Variants in CIZ1 observed in about 807,000 individuals in gnomAD.
CIZ1 encodes cip1-interacting zinc finger protein.
CIZ1 carries 58 observed loss-of-function variants against 118.6 expected under a neutral mutation model. The ratio of observed to expected loss-of-function variants is 0.49; its 90% CI spans 0.40 to 0.61. The LOEUF (loss-of-function observed/expected upper bound fraction) is 0.61. CIZ1 is among the 20% of genes least tolerant of loss of function. The pLI is 0.00. For synonymous variants in CIZ1, 448 were observed against 443.4 expected, an observed-to-expected ratio of 1.01 and a Z score of -0.13; for missense variants, 921 against 1,115.9, an observed-to-expected ratio of 0.83 and a Z score of 2.49.
At chr9:128,189,352 T>A (rs1832843531) in intron 3 of CIZ1, among the ~76,000 whole-genome samples, 2 of 152,208 alleles carry the variant, frequency 1.3e-5, no homozygotes, top group Admixed American at 1.3e-4. Context: ...TTTAAGTCAG[T>A]TCCCAGGACC....
upstream of CIZ1, among the ~76,000 whole-genome samples, chr9:128,192,932 C>T (rs1227691808): frequency 3.3e-5 from 5 of 152,306 alleles, no homozygotes; most frequent in African/African-American, 1.2e-4. Context: ...TCCGCGCCGA[C>T]GTTGGGCGGG....
Position 128,166,885 on chromosome 9 carries a change from A to G in CIZ1, c.2366-5T>C, listed in dbSNP as rs1829495133. On this transcript the variant is annotated splice_polypyrimidine_tract_variant and splice_region_variant and intron_variant, in intron 15 of 16. Transcript: ENST00000372938. This position sits in a 1 kb window ranked among gnomAD's most constrained non-coding sequence, Gnocchi z 4.4. ...CGGGCACCAGGAAGTCCACACCTGT[A>G]GGATGGGATGGCAGGGTCTGCACTC... The G allele has an allele frequency of 1.2e-6, 2 of 1,614,206 alleles. No individual in the cohort carries two copies. Among genetic ancestry groups the G allele is most frequent in the Non-Finnish European group, 1.7e-6 (2 of 1,180,018 alleles).
chr9:128,192,578 T>G (rs1833239740), upstream of CIZ1, among the ~76,000 whole-genome samples: 1 of 152,192 alleles, frequency 6.6e-6, no homozygotes, highest in South Asian at 2.1e-4. Context: ...AGTCTCACTC[T>G]GTCGCCCAGG....
In CIZ1 at chr9:128,190,458, G is replaced by C. The variant is rs200563464; in HGVS notation, c.171-14C>G. 4.3e-5 allele frequency: 69 copies of C among 1,588,934 alleles called. No individual in the cohort carries two copies. In the East Asian group the frequency reaches 1.3e-3, roughly 31 times the overall value. On this transcript the variant is annotated splice_polypyrimidine_tract_variant and intron_variant, in intron 2 of 16. Transcript: ENST00000372938. ...GGGGGGAGCCCCCTGTGTGTTGGGAGGGGGTGTCAGAGGGTTATTTGGAAA... is the reference window on the plus strand; with the variant it reads ...GGGGGGAGCCCCCTGTGTGTTGGGACGGGGTGTCAGAGGGTTATTTGGAAA...
chr9:128,168,068 C>T (rs1024134999), intron 14 of CIZ1, among the ~76,000 whole-genome samples: 1 of 152,192 alleles, frequency 6.6e-6, no homozygotes, highest in Non-Finnish European at 1.5e-5. Context: ...ACTTTGGCTG[C>T]CAGAGGCTAT....
In CIZ1 at chr9:128,203,573, G is replaced by A; in HGVS notation, c.-6+613C>T. 1.3e-6 allele frequency: 2 copies of A among 1,550,424 alleles called. No individual in the cohort carries two copies. ...CGCGGACCTCGACCTGCCGCAGATC[G>A]CTGTGGTGGGCGGCCAGAGCGCCGG... On this transcript the variant is annotated intron_variant, in intron 1 of 17. Transcript: ENST00000372948. The surrounding 1 kb of genome is among the most constrained non-coding windows in gnomAD (Gnocchi z 5.3).
At chr9:128,181,609 G>T (rs1831622233) in intron 5 of CIZ1, among the ~76,000 whole-genome samples, 1 of 152,238 alleles carries the variant, frequency 6.6e-6, no homozygotes, top group Non-Finnish European at 1.5e-5. Flanking sequence ...AAGAGCGTGA[G>T]CCTTCTGTTA....
chr9:128,169,903 G>C lies in CIZ1; in HGVS notation c.2031+117C>G, dbSNP rs905711152. The C allele has an allele frequency of 3.8e-6, 4 of 1,060,106 alleles. No homozygotes were observed. The African/African-American group carries it at 6.4e-5, about 17-fold the overall frequency. The allele number at this position is 1,060,106 out of a possible 1,614,324, so 65.7% of individuals were successfully genotyped here. ...GACTCCTCCAGAAACTGCATTGTGG[G>C]TTATGGGTGTGCAGGGGCAAAGAGG... is the stretch of plus-strand genomic sequence containing the variant. On this transcript the variant is annotated intron_variant, in intron 12 of 16. Coordinates refer to ENST00000372938, the MANE Select transcript of CIZ1 (RefSeq NM_001131016.2).
chr9:128,180,901 A>C, intron 5 of CIZ1, 87 bp from the exon 6 acceptor site: 2 of 911,520 alleles, frequency 2.2e-6, no homozygotes, highest in Non-Finnish European at 3.5e-6. Flanking sequence ...CCCATCCTCC[A>C]GGGGATGACA....
Position 128,166,446 on chromosome 9 carries a change from C to A in CIZ1, c.2488-40G>T. 1 of 1,433,132 alleles carries A rather than the reference C, an allele frequency of 7.0e-7. No homozygotes were observed. The highest frequency in any genetic ancestry group is 9.4e-7 in the Non-Finnish European group (1 of 1,061,342). The allele number at this position is 1,433,132 out of a possible 1,614,324, so 88.8% of individuals were successfully genotyped here. On this transcript the variant is annotated intron_variant, in intron 16 of 16. Coordinates refer to ENST00000372938, the MANE Select transcript of CIZ1 (RefSeq NM_001131016.2). This position sits in a 1 kb window ranked among gnomAD's most constrained non-coding sequence, Gnocchi z 4.4. ...TGCAGGTAAGGTCAGGGTCTCCTCCCTACATGGTATGCTCCTGGCCAGCAG... is the reference window on the plus strand; with the variant it reads ...TGCAGGTAAGGTCAGGGTCTCCTCCATACATGGTATGCTCCTGGCCAGCAG...
At chr9:128,187,632 C>T (rs1338688211) in intron 4 of CIZ1, among the ~76,000 whole-genome samples, 1 of 151,922 alleles carries the variant, frequency 6.6e-6, no homozygotes, top group African/African-American at 2.4e-5. Flanking sequence ...AGAGAGCCAA[C>T]CAGCTCTTAA....
Position 128,203,670 on chromosome 9 carries a change from C to T in CIZ1, c.-6+516G>A. ...GCCCCCAGGCGCCGACCCCCGACCC[C>T]CGGGATCCCTGGAGTCCCCGCCCGG... On this transcript the variant is annotated intron_variant, in intron 1 of 17. Coordinates refer to the CIZ1 transcript ENST00000372948. The surrounding 1 kb of genome is among the most constrained non-coding windows in gnomAD (Gnocchi z 5.3). 1 of 1,478,098 alleles carries T rather than the reference C, an allele frequency of 6.8e-7. No individual in the cohort carries two copies. Among genetic ancestry groups the T allele is most frequent in the South Asian group, 1.3e-5 (1 of 79,076 alleles). 91.6% of individuals were successfully genotyped at this position (1,478,098 alleles called of 1,614,324 possible). A position where few individuals can be genotyped will look rare whatever the true frequency, so the allele number is the denominator to read the frequency against.
chr9:128,169,744 C>T (rs1829904161), intron 12 of CIZ1: 2 of 1,521,664 alleles, frequency 1.3e-6, no homozygotes, highest in African/African-American at 2.8e-5. Flanking sequence ...ACAGGACAGA[C>T]ACAGAGAGAA....
intron 11 of CIZ1, among the ~76,000 whole-genome samples, chr9:128,170,969 T>TA (rs1830047634): frequency 6.6e-6 from 1 of 151,184 alleles, no homozygotes; most frequent in Admixed American, 6.6e-5. Flanking sequence ...CTACAAAACA[T>TA]AAAAAACATT....
At chr9:128,186,400 T>G (rs1178689583) in intron 4 of CIZ1, among the ~76,000 whole-genome samples, 1 of 152,064 alleles carries the variant, frequency 6.6e-6, no homozygotes, top group African/African-American at 2.4e-5. Flanking sequence ...CCCTATTCCA[T>G]GCAAGCCATC....
At chr9:128,200,626 C>G (rs958665182) in intron 1 of CIZ1, among the ~76,000 whole-genome samples, 3 of 148,940 alleles carry the variant, frequency 2.0e-5, no homozygotes, top group African/African-American at 7.4e-5. Context: ...CCACTGCACT[C>G]TAACCTGAGC....
intron 11 of CIZ1, among the ~76,000 whole-genome samples, chr9:128,173,841 C>A (rs899161119): frequency 6.6e-6 from 1 of 151,906 alleles, no homozygotes; most frequent in African/African-American, 2.4e-5. Context: ...CCTGTCTCTA[C>A]TAAAAATACA....
intron 14 of CIZ1, chr9:128,168,624 T>C (rs1217841284): frequency 2.5e-5 from 4 of 159,516 alleles, no homozygotes; most frequent in African/African-American, 9.6e-5. Context: ...GACTCTGAAG[T>C]TTTACTTCCT....
At chr9:128,194,600 T>G (rs1374559435), upstream of CIZ1, among the ~76,000 whole-genome samples, 4 of 152,084 alleles carry the variant, frequency 2.6e-5, no homozygotes, top group Non-Finnish European at 5.9e-5. Flanking sequence ...GTGGATCGCC[T>G]GAGGTCAGGA....
Sources: gnomAD v4.1 joint callset for allele counts (sites outside exome capture counted in the v4.1 genomes callset) on GRCh38, gnomAD v4.1.1 for gene constraint, Gnocchi (gnomAD v3.1) non-coding constraint, MANE v1.5 for transcripts, NCBI Gene and HGNC (gene_info 2026-07-23, HGNC 2026-07-21) for gene names.